The following KCNH1 variants were observed in gnomAD, a reference collection of about 807,000 sequenced individuals.
The protein encoded by KCNH1 is potassium voltage-gated channel subfamily H member 1.
A neutral mutation model predicts 69.2 loss-of-function variants in KCNH1; 27 were observed. The observed-to-expected ratio is 0.39, with a 90% confidence interval of 0.29 to 0.54. The LOEUF (loss-of-function observed/expected upper bound fraction) is 0.54. KCNH1 is among the 20% of genes least tolerant of loss of function. KCNH1 has a pLI of 0.68. For synonymous variants in KCNH1, 456 were observed against 487.7 expected, an observed-to-expected ratio of 0.93 and a Z score of 0.86; for missense variants, 798 against 1,261.6, an observed-to-expected ratio of 0.63 and a Z score of 5.57.
chr1:211,133,691 G>GC lies in KCNH1; in HGVS notation c.79+175dup, dbSNP rs1691919203. Among the ~76,000 whole-genome samples, 1 of 147,292 alleles carries GC rather than the reference G, an allele frequency of 6.8e-6. No homozygotes were observed. Among genetic ancestry groups the GC allele is most frequent in the African/African-American group, 2.4e-5 (1 of 40,910 alleles). On this transcript the variant is annotated intron_variant, in intron 1 of 10. Coordinates refer to ENST00000271751, the MANE Select transcript of KCNH1 (RefSeq NM_172362.3). This position sits in a 1 kb window ranked among gnomAD's most constrained non-coding sequence, Gnocchi z 5.4. ...TTAGGATGGGGACCCATCAGACCCC[G>GC]CCCCGCCCTGCCCACCTTTCTCTGC... is the stretch of plus-strand genomic sequence containing the variant.
chr1:211,098,016 C>T (rs537057523), intron 3 of KCNH1, among the ~76,000 whole-genome samples: 3 of 152,328 alleles, frequency 2.0e-5, no homozygotes, highest in Admixed American at 6.5e-5. Flanking sequence ...TTAATGACAA[C>T]TGTCGTTGAT....
At chr1:210,996,874 C>T (rs931851367) in intron 6 of KCNH1, among the ~76,000 whole-genome samples, 3 of 152,236 alleles carry the variant, frequency 2.0e-5, no homozygotes, top group Non-Finnish European at 1.5e-5. Context: ...CACCGCTGTT[C>T]TGCAGCCACC....
intron 5 of KCNH1, among the ~76,000 whole-genome samples, chr1:211,060,061 G>A (rs1690402962): frequency 1.3e-5 from 2 of 151,884 alleles, no homozygotes; most frequent in Non-Finnish European, 2.9e-5. Context: ...AATAAAACTG[G>A]AAATCAATAA....
chr1:211,130,379 G>C (rs1691855289), intron 1 of KCNH1, among the ~76,000 whole-genome samples: 1 of 152,144 alleles, frequency 6.6e-6, no homozygotes, highest in Non-Finnish European at 1.5e-5. Flanking sequence ...AAACACCTTA[G>C]AAATGTTTTT....
At chr1:210,747,838 TA>T (rs1005408808) in intron 10 of KCNH1, among the ~76,000 whole-genome samples, 1 of 152,174 alleles carries the variant, frequency 6.6e-6, no homozygotes, top group Non-Finnish European at 1.5e-5. Context: ...TATTCATCAT[TA>T]TAAAAAACAA....
intron 9 of KCNH1, among the ~76,000 whole-genome samples, chr1:210,786,448 C>A (rs190438237): frequency 1.1e-4 from 16 of 152,234 alleles, no homozygotes; most frequent in Admixed American, 3.3e-4. Context: ...CCACCACACA[C>A]CTTGACTTCT....
At chr1:210,718,067 A>G (rs975449999) in intron 10 of KCNH1, among the ~76,000 whole-genome samples, 5 of 151,864 alleles carry the variant, frequency 3.3e-5, no homozygotes, top group African/African-American at 1.2e-4. Flanking sequence ...AGATTGCACT[A>G]CTGCACTCCA....
intron 10 of KCNH1, among the ~76,000 whole-genome samples, chr1:210,755,534 C>G (rs562719099): frequency 6.6e-6 from 1 of 152,366 alleles, no homozygotes; most frequent in South Asian, 2.1e-4. Context: ...ACTGGGAAAA[C>G]TGGATTTGGC....
chr1:210,706,566 G>A (rs1052183962), intron 10 of KCNH1, among the ~76,000 whole-genome samples: 1 of 152,212 alleles, frequency 6.6e-6, no homozygotes, highest in Non-Finnish European at 1.5e-5. Context: ...GGAAAGGACT[G>A]CACAAATCAC....
At chr1:211,060,133 C>A (rs778860197) in intron 5 of KCNH1, among the ~76,000 whole-genome samples, 21 of 151,822 alleles carry the variant, frequency 1.4e-4, no homozygotes, top group Non-Finnish European at 1.8e-4. Context: ...CCTAAATGAT[C>A]AGCGGGTCAA....
intron 6 of KCNH1, among the ~76,000 whole-genome samples, chr1:210,963,377 TCTC>T (rs140291014): frequency 0.33 from 49,877 of 151,596 alleles, 8,588 homozygotes; most frequent in Non-Finnish European, 0.38. Context: ...GAATGCCTCT[TCTC>T]CTCCAAAGGA....
chr1:211,017,159 T>C (rs572332887), intron 6 of KCNH1, among the ~76,000 whole-genome samples: 2 of 152,210 alleles, frequency 1.3e-5, no homozygotes, highest in Admixed American at 1.3e-4. Context: ...TCCTTCCAGC[T>C]CTACATTGGC....
intron 9 of KCNH1, among the ~76,000 whole-genome samples, chr1:210,783,831 A>T (rs530345469): frequency 1.3e-5 from 2 of 152,282 alleles, no homozygotes; most frequent in East Asian, 3.9e-4. Flanking sequence ...GAGCAGCTGA[A>T]CCTGCAACCT....
intron 7 of KCNH1, among the ~76,000 whole-genome samples, chr1:210,895,948 T>C (rs371106015): frequency 3.3e-5 from 5 of 152,240 alleles, no homozygotes; most frequent in South Asian, 4.2e-4. Flanking sequence ...TACGGTAATA[T>C]TGCAGACAAC....
chr1:210,752,527 C>G (rs760591317), intron 10 of KCNH1, among the ~76,000 whole-genome samples: 2 of 152,208 alleles, frequency 1.3e-5, no homozygotes, highest in Non-Finnish European at 2.9e-5. Context: ...CTTGGACCTT[C>G]TTCCAAGAAC....
intron 5 of KCNH1, among the ~76,000 whole-genome samples, chr1:211,045,126 T>C (rs1262229951): frequency 1.4e-5 from 2 of 141,794 alleles, no homozygotes; most frequent in Non-Finnish European, 3.1e-5. Flanking sequence ...GCAACCTGGA[T>C]GAGATCGGAG....
At chr1:210,847,161 A>C (rs1685576274) in intron 7 of KCNH1, among the ~76,000 whole-genome samples, 1 of 152,200 alleles carries the variant, frequency 6.6e-6, no homozygotes, top group Non-Finnish European at 1.5e-5. Flanking sequence ...CCATTGTGGA[A>C]GTCAGTGTGG....
rs146222450 is a variant in KCNH1, at chr1:210,930,188, A to G, written c.1033-10119T>C. On this transcript the variant is annotated intron_variant, in intron 6 of 10. Coordinates refer to ENST00000271751, the MANE Select transcript of KCNH1 (RefSeq NM_172362.3). ...CAGAACTAGAAAAAACAATCCTAAA[A>G]TTCTTATGGAATCAAGAGAGAGCCC... is the stretch of plus-strand genomic sequence containing the variant. Among the ~76,000 whole-genome samples the G allele has an allele frequency of 3.5e-3, 539 of 152,294 alleles. 5 individuals are homozygous for G. Among genetic ancestry groups the G allele is most frequent in the African/African-American group, 0.012 (514 of 41,570 alleles).
intron 9 of KCNH1, among the ~76,000 whole-genome samples, chr1:210,776,722 A>G (rs1683868137): frequency 6.6e-6 from 1 of 152,172 alleles, no homozygotes; most frequent in Admixed American, 6.5e-5. Context: ...TACCCAGACT[A>G]TGGTATTTTG....
Sources: allele counts gnomAD v4.1 joint callset (sites outside exome capture counted in the v4.1 genomes callset), GRCh38; gene constraint gnomAD v4.1.1; non-coding constraint Gnocchi (gnomAD v3.1); transcripts MANE v1.5; gene names NCBI Gene and HGNC (gene_info 2026-07-23, HGNC 2026-07-21).